The following SHQ1 variants were observed in gnomAD, a reference collection of about 807,000 sequenced individuals.
The protein encoded by SHQ1 is SHQ1, H/ACA ribonucleoprotein assembly factor.
Under a neutral mutation model 53.8 loss-of-function variants are expected in SHQ1, and 49 were observed. The ratio of observed to expected loss-of-function variants is 0.91; its 90% CI spans 0.72 to 1.16. SHQ1 has a LOEUF of 1.16. SHQ1 is among the 50% of genes most tolerant of loss of function. The pLI, the probability that SHQ1 is intolerant of heterozygous loss-of-function variation, is 0.00. For synonymous variants in SHQ1, 243 were observed against 251.0 expected (o/e 0.97, Z 0.30); for missense variants, 738 against 683.1 (o/e 1.08, Z -0.90).
the SHQ1 span, among the ~76,000 whole-genome samples, chr3:72,736,786 C>G: frequency 1.8e-5 from 1 of 54,282 alleles, no homozygotes; most frequent in Admixed American, 2.0e-4. Flanking sequence ...GAGTGAGACT[C>G]CGTTTCAAAA....
At chr3:72,751,118 A>G (rs1394378598) in intron 10 of SHQ1, among the ~76,000 whole-genome samples, 1 of 152,218 alleles carries the variant, frequency 6.6e-6, no homozygotes, top group Non-Finnish European at 1.5e-5. Context: ...ACTAAATAAA[A>G]TCAATTTCTT....
At chr3:72,795,577 G>C (rs138359488) in intron 9 of SHQ1, 1 of 152,270 alleles carries the variant, frequency 6.6e-6, no homozygotes, top group East Asian at 1.9e-4. Flanking sequence ...AGTAAGCATA[G>C]GCCAACTAAT....
At chr3:72,834,504 T>G (rs1409780789) in intron 4 of SHQ1, among the ~76,000 whole-genome samples, 1 of 152,138 alleles carries the variant, frequency 6.6e-6, no homozygotes, top group Non-Finnish European at 1.5e-5. Context: ...CACTCCAGCT[T>G]GGGCAATAGA....
At position 72,848,244 on chromosome 3, in the gene SHQ1, A is replaced by G. The variant is rs1401383230; in HGVS notation, c.97T>C (p.Phe33Leu). ...TAGAACTTGAAGTCAGACCCCTCGAAGTAGACGTCGAACTCGGAGACCCGG... is the reference window on the plus strand; with the variant it reads ...TAGAACTTGAAGTCAGACCCCTCGAGGTAGACGTCGAACTCGGAGACCCGG... ...YARVSEFDVY[F>L]EGSDFKFYAK... is the part of the protein sequence containing the mutation. Residue 33 changes from phenylalanine to leucine, a missense_variant, in exon 1 of 11, where the codon TTC (phenylalanine) becomes CTC (leucine). Coordinates refer to ENST00000325599, the MANE Select transcript of SHQ1 (RefSeq NM_018130.3). 8.1e-6 allele frequency: 13 copies of G among 1,614,056 alleles called. No individual in the cohort carries two copies. The highest frequency in any genetic ancestry group is 1.1e-5 in the Non-Finnish European group (13 of 1,180,030).
the SHQ1 span, among the ~76,000 whole-genome samples, chr3:72,733,700 G>A: frequency 6.6e-6 from 1 of 151,652 alleles, no homozygotes; most frequent in African/African-American, 2.4e-5. Flanking sequence ...CACAGAGCTG[G>A]TAGGCGGTAA....
rs80309812 is a variant in SHQ1 at position 72,762,560 on chromosome 3, G to A, written c.1182-11724C>T. Among the ~76,000 whole-genome samples the A allele has an allele frequency of 5.5e-3, 840 of 152,304 alleles. 8 individuals carry two copies. The highest frequency in any genetic ancestry group is 0.018 in the African/African-American group (748 of 41,560). On this transcript the variant is annotated intron_variant, in intron 10 of 10. Coordinates refer to ENST00000325599, the MANE Select transcript of SHQ1 (RefSeq NM_018130.3). Reference sequence around the variant, plus strand: ...ACAGTCCCATGAACCTCTTGGAATTGTATACCTCACTTGAATTGTGTACCT... The same window carrying A: ...ACAGTCCCATGAACCTCTTGGAATTATATACCTCACTTGAATTGTGTACCT...
At chr3:72,835,779 C>T (rs1260429352) in intron 4 of SHQ1, among the ~76,000 whole-genome samples, 3 of 152,164 alleles carry the variant, frequency 2.0e-5, no homozygotes, top group Non-Finnish European at 4.4e-5. Flanking sequence ...TGAGCCTTTA[C>T]GCTTACAGTA....
intron 9 of SHQ1, among the ~76,000 whole-genome samples, chr3:72,796,066 C>A (rs1353271472): frequency 7.4e-6 from 1 of 134,366 alleles, no homozygotes; most frequent in Non-Finnish European, 1.5e-5. Context: ...TTGCGCCACT[C>A]ACTCCAGTCT....
At chr3:72,728,343 C>T in the SHQ1 span, among the ~76,000 whole-genome samples, 12 of 152,190 alleles carry the variant, frequency 7.9e-5, no homozygotes, top group African/African-American at 2.4e-4. Context: ...TCCCACACCA[C>T]GTACCAACAG....
At chr3:72,779,677 T>C (rs1348901652) in intron 10 of SHQ1, among the ~76,000 whole-genome samples, 1 of 152,096 alleles carries the variant, frequency 6.6e-6, no homozygotes, top group African/African-American at 2.4e-5. Context: ...TCTAAAGCAG[T>C]CACAATTAAA....
chr3:72,737,560 A>G, the SHQ1 span, among the ~76,000 whole-genome samples: 2 of 152,220 alleles, frequency 1.3e-5, no homozygotes, highest in Non-Finnish European at 2.9e-5. Context: ...AAAATTTGCC[A>G]ATGCTCAAGT....
At chr3:72,835,582 C>T (rs759619235) in intron 4 of SHQ1, among the ~76,000 whole-genome samples, 3 of 152,078 alleles carry the variant, frequency 2.0e-5, no homozygotes, top group Non-Finnish European at 4.4e-5. Context: ...GTAAATGGAC[C>T]GACATAACCC....
At chr3:72,803,384 C>G (rs1003183231) in intron 9 of SHQ1, among the ~76,000 whole-genome samples, 8 of 152,190 alleles carry the variant, frequency 5.3e-5, no homozygotes, top group African/African-American at 1.9e-4. Flanking sequence ...CATCCTTATT[C>G]ATTTACCTGC....
At chr3:72,754,450 C>T (rs549243597) in intron 10 of SHQ1, among the ~76,000 whole-genome samples, 1 of 151,494 alleles carries the variant, frequency 6.6e-6, no homozygotes, top group African/African-American at 2.4e-5. Context: ...AGCACGATCT[C>T]GGCTCACCAC....
Position 72,777,665 on chromosome 3 carries a change from A to G in SHQ1, c.1181+15251T>C, listed in dbSNP as rs1232611132. Among the ~76,000 whole-genome samples the G allele has an allele frequency of 2.0e-5, 3 of 152,374 alleles. No homozygotes were observed. In the East Asian group the frequency reaches 5.8e-4, roughly 29 times the overall value. ...TTGACACTGCCCATTAAAGGCTAAC[A>G]TATCATTGTCCCTAATCCCAGAAAT... On this transcript the variant is annotated intron_variant, in intron 10 of 10. Coordinates refer to ENST00000325599, the MANE Select transcript of SHQ1 (RefSeq NM_018130.3).
the SHQ1 span, among the ~76,000 whole-genome samples, chr3:72,734,959 A>G: frequency 6.6e-6 from 1 of 151,518 alleles, no homozygotes; most frequent in African/African-American, 2.4e-5. Flanking sequence ...ATGGCTGTGG[A>G]ATGGGAGTGC....
In SHQ1 at chr3:72,817,245, A is replaced by G. The variant is rs117479872; in HGVS notation, c.867T>C (p.Thr289=). The G allele has an allele frequency of 7.9e-5, 128 of 1,613,142 alleles. No individual in the cohort carries two copies. The East Asian group carries it at 2.1e-3, about 27-fold the overall frequency. ...LLAYCYETRV[T]EGEKNVESAW... is the part of the protein sequence containing the mutation. ...ATGCACTTACATTCTTCTCTCCTTC[A>G]GTGACACGGGTTTCATAGCAATATG... is the stretch of plus-strand genomic sequence containing the variant. Residue 289 remains threonine (T), a synonymous_variant, in exon 7 of 11, where the codon ACT becomes ACC. Coordinates refer to ENST00000325599, the MANE Select transcript of SHQ1 (RefSeq NM_018130.3).
chr3:72,750,480 G>C lies in SHQ1; in HGVS notation c.1538C>G (p.Thr513Arg). The C allele has an allele frequency of 6.2e-7, 1 of 1,614,202 alleles. No individual in the cohort carries two copies. The highest frequency in any genetic ancestry group is 8.5e-7 in the Non-Finnish European group (1 of 1,180,042). Reference sequence around the variant, plus strand: ...ACTGGCATCAGACTCCTGGATGGCTGTGTTTCTGCGTACTCCACCATCAAC... The same window carrying C: ...ACTGGCATCAGACTCCTGGATGGCTCTGTTTCTGCGTACTCCACCATCAAC... ...LIVDGGVRRNTAIQESDASQG... is the reference protein window; with the variant it reads ...LIVDGGVRRNRAIQESDASQG... Residue 513 changes from threonine (T) to arginine (R), a missense_variant, in exon 11 of 11, where the codon ACA (threonine) becomes AGA (arginine). Transcript: ENST00000325599.
chr3:72,747,168 A>C (rs2106691766), downstream of SHQ1, among the ~76,000 whole-genome samples: 1 of 152,352 alleles, frequency 6.6e-6, no homozygotes, highest in South Asian at 2.1e-4. Context: ...TCCTCAAAGC[A>C]AATTGGTTTA....
Sources: gnomAD v4.1 joint callset for allele counts (sites outside exome capture counted in the v4.1 genomes callset) on GRCh38, gnomAD v4.1.1 for gene constraint, MANE v1.5 for transcripts, NCBI Gene and HGNC (gene_info 2026-07-23, HGNC 2026-07-21) for gene names.